Variants in LRP1B observed in about 807,000 individuals in gnomAD.
The protein encoded by LRP1B is LDL receptor related protein 1B.
A neutral mutation model predicts 556.6 loss-of-function variants in LRP1B; 217 were observed. That is an observed-to-expected ratio of 0.39 (90% CI 0.35 to 0.44). The LOEUF (loss-of-function observed/expected upper bound fraction) is 0.44, where lower values mean the gene tolerates loss of function less well. Among genes scored for constraint, LRP1B ranks in the 20% least tolerant of loss-of-function variants. The pLI is 1.00. For missense variants in LRP1B, 5,053 were observed against 5,620.8 expected (o/e 0.90, Z 3.23); for synonymous variants, 2,047 against 1,865.8 (o/e 1.10, Z -2.50).
intron 2 of LRP1B, among the ~76,000 whole-genome samples, chr2:141,490,331 T>C (rs1302192510): frequency 6.6e-6 from 1 of 150,596 alleles, no homozygotes; most frequent in African/African-American, 2.4e-5. Flanking sequence ...TGAAGGGTTT[T>C]AGATCACGTC....
chr2:140,622,434 A>C (rs1312903821), intron 41 of LRP1B, among the ~76,000 whole-genome samples: 1 of 152,096 alleles, frequency 6.6e-6, no homozygotes, highest in East Asian at 1.9e-4. Flanking sequence ...CTGCCTGTCA[A>C]TTGCTTCAGT....
chr2:140,738,096 G>A (rs749841698), intron 35 of LRP1B, among the ~76,000 whole-genome samples: 8 of 152,108 alleles, frequency 5.3e-5, no homozygotes, highest in African/African-American at 7.2e-5. Context: ...GAGAGAAGGC[G>A]CACTTTTGCC....
chr2:141,064,018 T>C (rs1699411844), intron 7 of LRP1B, among the ~76,000 whole-genome samples: 1 of 151,798 alleles, frequency 6.6e-6, no homozygotes, highest in African/African-American at 2.4e-5. Flanking sequence ...TTCTCTAAAG[T>C]CATCCTCAGA....
chr2:141,266,266 G>A (rs767858457), intron 3 of LRP1B, among the ~76,000 whole-genome samples: 18 of 149,620 alleles, frequency 1.2e-4, no homozygotes, highest in Admixed American at 7.4e-4. Context: ...AGAGCTTGCA[G>A]TGAGCAGAGA....
At chr2:141,124,833 T>C (rs1442561782) in intron 7 of LRP1B, among the ~76,000 whole-genome samples, 2 of 152,090 alleles carry the variant, frequency 1.3e-5, no homozygotes, top group Admixed American at 6.6e-5. Flanking sequence ...TCTATTTTTA[T>C]TGATGTATAT....
At chr2:140,753,277 T>A (rs919219379) in intron 35 of LRP1B, among the ~76,000 whole-genome samples, 1 of 152,228 alleles carries the variant, frequency 6.6e-6, no homozygotes, top group Non-Finnish European at 1.5e-5. Context: ...AATTACATAA[T>A]GTTTGTACAC....
rs182842261 is a variant in LRP1B at position 140,549,888 on chromosome 2, G to A, written c.7195-7917C>T. On this transcript the variant is annotated intron_variant, in intron 43 of 90. Transcript: ENST00000389484. ...TTTTTTTTTCAATACTTTAAGTTCC[G>A]GGGTACATGTGCAGAACGTGCAGTT... Among the ~76,000 whole-genome samples, 7 of 151,616 alleles carry A rather than the reference G, an allele frequency of 4.6e-5. No individual in the cohort carries two copies. In the East Asian group the frequency reaches 5.9e-4, roughly 13 times the overall value.
At chr2:141,771,777 A>G (rs916079091) in intron 2 of LRP1B, among the ~76,000 whole-genome samples, 8 of 152,122 alleles carry the variant, frequency 5.3e-5, no homozygotes, top group African/African-American at 1.9e-4. Context: ...ATTGAGAGAC[A>G]TAAGAAAGAT....
At chr2:140,848,181 T>C (rs1692334269) in intron 29 of LRP1B, among the ~76,000 whole-genome samples, 1 of 152,184 alleles carries the variant, frequency 6.6e-6, no homozygotes, top group Admixed American at 6.5e-5. Flanking sequence ...CCTAATGTCC[T>C]TTACTTGGTC....
At chr2:142,032,947 G>A (rs116534919) in intron 1 of LRP1B, among the ~76,000 whole-genome samples, 17 of 151,932 alleles carry the variant, frequency 1.1e-4, no homozygotes, top group African/African-American at 4.1e-4. Context: ...CTTCCTTGAG[G>A]AAAATCTTTT....
At chr2:141,039,938 T>C (rs1698647468) in intron 11 of LRP1B, among the ~76,000 whole-genome samples, 1 of 152,108 alleles carries the variant, frequency 6.6e-6, no homozygotes, top group South Asian at 2.1e-4. Flanking sequence ...AACTGAACAC[T>C]GTTTTCAAGA....
chr2:141,676,991 A>G (rs1238004732), intron 2 of LRP1B, among the ~76,000 whole-genome samples: 1 of 152,182 alleles, frequency 6.6e-6, no homozygotes, highest in African/African-American at 2.4e-5. Context: ...GATATTAACT[A>G]AAATAATTGC....
At chr2:141,025,695 A>G (rs894903847) in intron 11 of LRP1B, among the ~76,000 whole-genome samples, 1 of 152,072 alleles carries the variant, frequency 6.6e-6, no homozygotes, top group Non-Finnish European at 1.5e-5. Context: ...TCCAGTTCCC[A>G]TAATTGTGTG....
At chr2:141,521,684 C>T (rs1684534806) in intron 2 of LRP1B, among the ~76,000 whole-genome samples, 3 of 151,656 alleles carry the variant, frequency 2.0e-5, no homozygotes. Context: ...TATATTGTGT[C>T]AAATCACATA....
Position 141,111,034 on chromosome 2 carries a change from C to T in LRP1B, c.1014-48761G>A, listed in dbSNP as rs1009021798. Reference sequence around the variant, plus strand: ...GAAAGAAGTGAATGAAATGGCAAGGCGAAGAGCCAGCCAGTCACCCCATGA... The same window carrying T: ...GAAAGAAGTGAATGAAATGGCAAGGTGAAGAGCCAGCCAGTCACCCCATGA... On this transcript the variant is annotated intron_variant, in intron 7 of 90. Coordinates refer to ENST00000389484, the MANE Select transcript of LRP1B (RefSeq NM_018557.3). Among the ~76,000 whole-genome samples the T allele has an allele frequency of 1.1e-4, 16 of 152,084 alleles. 1 individual carries two copies. Among genetic ancestry groups the T allele is most frequent in the Admixed American group, 2.6e-4 (4 of 15,268 alleles).
rs1704442442 is a variant in LRP1B at position 142,051,179 on chromosome 2, C to A, written c.82+79469G>T. Among the ~76,000 whole-genome samples the A allele has an allele frequency of 2.6e-5, 4 of 152,014 alleles. No homozygotes were observed. The South Asian group carries it at 8.3e-4, about 32-fold the overall frequency. ...TCCAAAGAGTCCAAGTAGTGCCTTTCTAACAGGCACATTGTTGGTGAGGGG... is the reference window on the plus strand; with the variant it reads ...TCCAAAGAGTCCAAGTAGTGCCTTTATAACAGGCACATTGTTGGTGAGGGG... On this transcript the variant is annotated intron_variant, in intron 1 of 90. Coordinates refer to ENST00000389484, the MANE Select transcript of LRP1B (RefSeq NM_018557.3).
intron 6 of LRP1B, among the ~76,000 whole-genome samples, chr2:141,204,301 T>G (rs1682172777): frequency 6.6e-6 from 1 of 152,188 alleles, no homozygotes; most frequent in Non-Finnish European, 1.5e-5. Flanking sequence ...CCAAATGACT[T>G]GTTTAATTTG....
At position 140,534,977 on chromosome 2, in the gene LRP1B, G is replaced by A. The variant is rs75461433; in HGVS notation, c.7643-837C>T. ...GGAACAAAGATTTAACCTCAGGTGTGAGTCCAAAGCCCATACTCTACACCT... is the reference window on the plus strand; with the variant it reads ...GGAACAAAGATTTAACCTCAGGTGTAAGTCCAAAGCCCATACTCTACACCT... On this transcript the variant is annotated intron_variant, in intron 46 of 90. Coordinates refer to ENST00000389484, the MANE Select transcript of LRP1B (RefSeq NM_018557.3). Among the ~76,000 whole-genome samples, 879 of 152,242 alleles carry A rather than the reference G, an allele frequency of 5.8e-3. 8 individuals are homozygous for A. Among genetic ancestry groups the A allele is most frequent in the East Asian group, 0.034 (177 of 5,168 alleles).
intron 1 of LRP1B, among the ~76,000 whole-genome samples, chr2:141,851,640 A>AC (rs1697860611): frequency 6.6e-6 from 1 of 151,804 alleles, no homozygotes; most frequent in African/African-American, 2.4e-5. Context: ...TGAGTACCTT[A>AC]CCTATATATC....
Sources: gnomAD v4.1 joint callset for allele counts (sites outside exome capture counted in the v4.1 genomes callset) on GRCh38, gnomAD v4.1.1 for gene constraint, MANE v1.5 for transcripts, NCBI Gene and HGNC (gene_info 2026-07-23, HGNC 2026-07-21) for gene names.